The following MCOLN1 variants were observed in gnomAD, a reference collection of about 807,000 sequenced individuals.
MCOLN1 encodes the protein mucolipin-1.
MCOLN1 carries 50 observed loss-of-function variants against 70.3 expected under a neutral mutation model. The ratio of observed to expected loss-of-function variants is 0.71; its 90% CI spans 0.57 to 0.90. The LOEUF (loss-of-function observed/expected upper bound fraction) is 0.90. Ranked by LOEUF, MCOLN1 falls within the 40% of genes least tolerant of loss-of-function variation. The pLI is 0.00. For missense variants in MCOLN1, 598 were observed against 803.5 expected (o/e 0.74, Z 3.09); for synonymous variants, 366 against 341.0 (o/e 1.07, Z -0.81).
Position 7,528,268 on chromosome 19 carries a change from G to A in MCOLN1, c.877+11G>A, listed in dbSNP as rs758705034. ...GTGTCTTCCAGCACGGTGAGCCCCT[G>A]AGCCCCAGACCAGCACTGACCAGGG... On this transcript the variant is annotated intron_variant, in intron 7 of 13. Transcript: ENST00000264079. The surrounding 1 kb of genome is among the most constrained non-coding windows in gnomAD (Gnocchi z 4.2). 7 of 1,612,780 alleles carry A rather than the reference G, an allele frequency of 4.3e-6. No homozygotes were observed. Among genetic ancestry groups the A allele is most frequent in the Non-Finnish European group, 4.2e-6 (5 of 1,178,924 alleles).
At position 7,528,607 on chromosome 19, in the gene MCOLN1, C is replaced by T; in HGVS notation, c.888C>T (p.Ser296=). The T allele has an allele frequency of 1.2e-6, 2 of 1,614,240 alleles. No homozygotes were observed. Among genetic ancestry groups the T allele is most frequent in the Admixed American group, 1.7e-5 (1 of 60,036 alleles). Residue 296 remains serine, a synonymous_variant, in exon 8 of 14, where the codon AGC becomes AGT. Coordinates refer to ENST00000264079, the MANE Select transcript of MCOLN1 (RefSeq NM_020533.3). The surrounding 1 kb of genome is among the most constrained non-coding windows in gnomAD (Gnocchi z 4.2). The stretch of plus-strand genomic sequence containing the variant: ...CTGCCCTCCCCGCAGGAGACAACAG[C>T]TTCCGGCTCCTGTTTGACGTGGTGG... ...HPSVFQHGDN[S]FRLLFDVVVI... is the part of the protein sequence containing the mutation.
chr19:7,531,359 C>T lies in MCOLN1; in HGVS notation c.1575+858C>T, dbSNP rs552957571. Among the ~76,000 whole-genome samples the T allele has an allele frequency of 3.0e-4, 46 of 151,912 alleles. No individual in the cohort carries two copies. In the South Asian group the frequency reaches 9.6e-3, roughly 32 times the overall value. ...GGGATTACTTGCACGTGCCACCACA[C>T]CTGGCTAATTTTTGTATTTTTACTA... On this transcript the variant is annotated intron_variant, in intron 12 of 13. Coordinates refer to ENST00000264079, the MANE Select transcript of MCOLN1 (RefSeq NM_020533.3).
At chr19:7,533,143 A>C (rs542320857) in intron 12 of MCOLN1, among the ~76,000 whole-genome samples, 1 of 152,376 alleles carries the variant, frequency 6.6e-6, no homozygotes, top group African/African-American at 2.4e-5. Flanking sequence ...GCACGTAGAC[A>C]TCACACACAT....
rs2146023474 is a variant in MCOLN1, at chr19:7,527,549, C to T, written c.601C>T (p.Pro201Ser). 3.8e-6 allele frequency: 6 copies of T among 1,595,740 alleles called. No individual in the cohort carries two copies. Among genetic ancestry groups the T allele is most frequent in the Non-Finnish European group, 5.2e-6 (6 of 1,163,106 alleles). Residue 201 changes from proline (P) to serine (S), a missense_variant, in exon 5 of 14, where the codon CCC (proline) becomes TCC (serine). Physicochemically the swap from Pro to Ser is moderately conservative, Grantham distance 74 (BLOSUM62 -1). Around this residue, in one of 3 missense-constraint regions of MCOLN1, gnomAD observed 461 missense variants for 588.4 expected, o/e 0.78. Coordinates refer to ENST00000264079, the MANE Select transcript of MCOLN1 (RefSeq NM_020533.3). ...CATCCAGGTGGATCCCCCCGAGCGG[C>T]CCCCTCCGCCCCCCAGCGACGATCT... ...DCIQVDPPER[P>S]PPPPSDDLTL...
At position 7,533,852 on chromosome 19, in the gene MCOLN1, A is replaced by C. The variant is rs766345720; in HGVS notation, c.*57A>C. The C allele has an allele frequency of 1.9e-6, 3 of 1,582,340 alleles. No homozygotes were observed. Among genetic ancestry groups the C allele is most frequent in the Admixed American group, 1.7e-5 (1 of 59,616 alleles). On this transcript the variant is annotated 3_prime_UTR_variant, in exon 14 of 14. Coordinates refer to ENST00000264079, the MANE Select transcript of MCOLN1 (RefSeq NM_020533.3). ...TGGACTGCAGAGACCCCCGCCCCCGACCCCGCTTATTTATTTGTAGGGTTT... is the reference window on the plus strand; with the variant it reads ...TGGACTGCAGAGACCCCCGCCCCCGCCCCCGCTTATTTATTTGTAGGGTTT...
Position 7,528,538 on chromosome 19 carries a change from T to G in MCOLN1, c.878-59T>G. The stretch of plus-strand genomic sequence containing the variant: ...GGTCTCCAGCCTGGCCTGGCACCAA[T>G]GCTAGCCTCCCAAGGCTCCATGCCA... On this transcript the variant is annotated intron_variant, in intron 7 of 13. Transcript: ENST00000264079. The surrounding 1 kb of genome is among the most constrained non-coding windows in gnomAD (Gnocchi z 4.2). 1.9e-6 allele frequency: 3 copies of G among 1,608,678 alleles called. No homozygotes were observed. The highest frequency in any genetic ancestry group is 2.2e-5 in the South Asian group (2 of 90,658).
intron 4 of MCOLN1, chr19:7,527,271 CAAAAAAAA>C (rs562144613): frequency 3.5e-5 from 8 of 229,448 alleles, no homozygotes; most frequent in Middle Eastern, 1.2e-3. Context: ...GACCCTGTCT[CAAAAAAAA>C]AAAAAAAAAA....
chr19:7,533,353 A>G (rs1317508867), intron 12 of MCOLN1, 170 bp from the exon 13 acceptor site: 7 of 780,588 alleles, frequency 9.0e-6, no homozygotes, highest in African/African-American at 8.7e-5. Context: ...GGGTCAGGGA[A>G]GGTCCCTCTG....
At position 7,528,106 on chromosome 19, in the gene MCOLN1, C is replaced by T; in HGVS notation, c.778-52C>T. ...CTGTCAGGCCACCTGTCATGTGGAC[C>T]TTGGGGCTTGGGGCTGCCAAGGTTT... On this transcript the variant is annotated intron_variant, in intron 6 of 13. Coordinates refer to ENST00000264079, the MANE Select transcript of MCOLN1 (RefSeq NM_020533.3). This position sits in a 1 kb window ranked among gnomAD's most constrained non-coding sequence, Gnocchi z 4.2. The T allele has an allele frequency of 6.3e-7, 1 of 1,594,888 alleles. No homozygotes were observed.
intron 10 of MCOLN1, 114 bp from the exon 11 acceptor site, chr19:7,529,475 AC>A: frequency 7.3e-7 from 1 of 1,364,290 alleles, no homozygotes; most frequent in Non-Finnish European, 1.0e-6. Flanking sequence ...GGCTCCCATG[AC>A]CACACCGGCT....
rs371218186 is a variant in MCOLN1 at position 7,533,666 on chromosome 19, G to T, written c.1706+13G>T. ...GCTGCTGCGGAAGGTTCGAGTCCCGGGTCTGGCACATTCAGATTGGAGGTT... is the reference window on the plus strand; with the variant it reads ...GCTGCTGCGGAAGGTTCGAGTCCCGTGTCTGGCACATTCAGATTGGAGGTT... On this transcript the variant is annotated intron_variant, in intron 13 of 13. Coordinates refer to ENST00000264079, the MANE Select transcript of MCOLN1 (RefSeq NM_020533.3). 1.3e-5 allele frequency: 21 copies of T among 1,613,916 alleles called. No individual in the cohort carries two copies. Among genetic ancestry groups the T allele is most frequent in the Non-Finnish European group, 1.7e-5 (20 of 1,180,016 alleles).
chr19:7,525,035 C>G lies in MCOLN1; in HGVS notation c.106C>G (p.Pro36Ala). ...GCCTTCACCGGCCCCTCCGACACCC[C>G]CAGAAGAGGAAGACCTTCGCCGTCG... Reference protein sequence around the residue: ...AGPSPAPPTPPEEEDLRRRLK... With the variant: ...AGPSPAPPTPAEEEDLRRRLK... Residue 36 changes from proline (P) to alanine (A), a missense_variant, in exon 2 of 14, where the codon CCA becomes GCA. By Grantham distance (27) the Pro-to-Ala change is conservative. This residue lies in a region of MCOLN1 where 461 missense variants were observed against 588.4 expected (regional missense o/e 0.78). Transcript: ENST00000264079. The surrounding 1 kb of genome is among the most constrained non-coding windows in gnomAD (Gnocchi z 4.2). The G allele has an allele frequency of 1.2e-6, 2 of 1,614,088 alleles. No homozygotes were observed. Among genetic ancestry groups the G allele is most frequent in the African/African-American group, 1.3e-5 (1 of 75,066 alleles).
chr19:7,526,302 C>G lies in MCOLN1; in HGVS notation c.238-137C>G. 1 of 988,742 alleles carries G rather than the reference C, an allele frequency of 1.0e-6. No individual in the cohort carries two copies. The highest frequency in any genetic ancestry group is 1.6e-6 in the Non-Finnish European group (1 of 623,848). 61.2% of individuals were successfully genotyped at this position (988,742 alleles called of 1,614,324 possible). A position where few individuals can be genotyped will look rare whatever the true frequency, so the allele number is the denominator to read the frequency against. On this transcript the variant is annotated intron_variant, in intron 2 of 13. Coordinates refer to ENST00000264079, the MANE Select transcript of MCOLN1 (RefSeq NM_020533.3). The surrounding 1 kb of genome is among the most constrained non-coding windows in gnomAD (Gnocchi z 4.6). The stretch of plus-strand genomic sequence containing the variant: ...CACAAGTGAAATCCGTGTTTGTGGC[C>G]CAAGTTAGCAGGGCCCTGCCCCACC...
chr19:7,527,847 C>T lies in MCOLN1; in HGVS notation c.681-17C>T. On this transcript the variant is annotated splice_polypyrimidine_tract_variant and intron_variant, in intron 5 of 13. Transcript: ENST00000264079. ...ACCCGAAGACGCCCCTGACCCTCAC[C>T]CGAGCCTCCTGCCTAGGCTGGTCAA... 2 of 1,605,614 alleles carry T rather than the reference C, an allele frequency of 1.2e-6. No individual in the cohort carries two copies. Among genetic ancestry groups the T allele is most frequent in the South Asian group, 1.1e-5 (1 of 90,892 alleles).
In MCOLN1 at chr19:7,529,207, G is replaced by GT; in HGVS notation, c.1236+9dup. On this transcript the variant is annotated splice_donor_region_variant and intron_variant, in intron 10 of 13. Transcript: ENST00000264079. ...ACCTTCTTCCACAACTACAATGTGA[G>GT]TTTTGCACATGCAGCTGGGCCTTCC... 1 of 1,609,718 alleles carries GT rather than the reference G, an allele frequency of 6.2e-7. No homozygotes were observed. The highest frequency in any genetic ancestry group is 2.2e-5 in the East Asian group (1 of 44,858).
chr19:7,525,077 A>G lies in MCOLN1; in HGVS notation c.148A>G (p.Met50Val). 6.2e-7 allele frequency: 1 copy of G among 1,614,106 alleles called. No individual in the cohort carries two copies. Among genetic ancestry groups the G allele is most frequent in the Non-Finnish European group, 8.5e-7 (1 of 1,180,028 alleles). The change falls in exon 2 of 14, where the codon ATG becomes GTG. Residue 50 changes from methionine (M) to valine (V), a missense_variant. This residue lies in a region of MCOLN1 where 461 missense variants were observed against 588.4 expected (regional missense o/e 0.78). Coordinates refer to ENST00000264079, the MANE Select transcript of MCOLN1 (RefSeq NM_020533.3). The surrounding 1 kb of genome is among the most constrained non-coding windows in gnomAD (Gnocchi z 4.2). ...TCGCCGTCGTCTCAAATACTTTTTC[A>G]TGAGTCCCTGCGACAAGTTTCGAGC... is the stretch of plus-strand genomic sequence containing the variant. ...DLRRRLKYFF[M>V]SPCDKFRAKG...
chr19:7,523,603 T>C (rs1437303795), intron 1 of MCOLN1, among the ~76,000 whole-genome samples: 1 of 152,200 alleles, frequency 6.6e-6, no homozygotes, highest in Non-Finnish European at 1.5e-5. Context: ...GGCCAGGCCC[T>C]AGAAAGCAGC....
chr19:7,523,681 C>T (rs1214742843), intron 1 of MCOLN1, among the ~76,000 whole-genome samples: 1 of 152,188 alleles, frequency 6.6e-6, no homozygotes, highest in Non-Finnish European at 1.5e-5. Context: ...GCTACTGTGA[C>T]TGGTTTTGAC....
In MCOLN1 at chr19:7,525,309, T is replaced by C. The variant is rs2022553543; in HGVS notation, c.237+143T>C. The C allele has an allele frequency of 9.3e-6, 7 of 756,396 alleles. No homozygotes were observed. Among genetic ancestry groups the C allele is most frequent in the South Asian group, 5.9e-5 (4 of 68,284 alleles). 46.9% of individuals were successfully genotyped at this position (756,396 alleles called of 1,614,324 possible). ...GAGTTCAAGACCAGTCTGGCCAGCA[T>C]GGTGAAACCCCATCTCTACTAAAAA... On this transcript the variant is annotated intron_variant, in intron 2 of 13. Transcript: ENST00000264079. The surrounding 1 kb of genome is among the most constrained non-coding windows in gnomAD (Gnocchi z 4.2).
Sources: gnomAD v4.1 joint callset for allele counts (sites outside exome capture counted in the v4.1 genomes callset) on GRCh38, gnomAD v4.1.1 for gene constraint, gnomAD v4.1.1 regional missense constraint, Gnocchi (gnomAD v3.1) non-coding constraint, MANE v1.5 for transcripts, NCBI Gene and HGNC (gene_info 2026-07-23, HGNC 2026-07-21) for gene names.